GAS2: variants seen among roughly 807,000 people sequenced by gnomAD.
GAS2 encodes the protein growth arrest-specific protein 2.
GAS2 carries 20 observed loss-of-function variants against 37.5 expected under a neutral mutation model. The ratio of observed to expected loss-of-function variants is 0.53; its 90% CI spans 0.37 to 0.77. GAS2 has a LOEUF of 0.77. Ranked by LOEUF, GAS2 falls within the 30% of genes least tolerant of loss-of-function variation. The pLI is 0.00. For missense variants in GAS2, 336 were observed against 373.4 expected (o/e 0.90, Z 0.82); for synonymous variants, 144 against 132.2 (o/e 1.09, Z -0.61).
intron 7 of GAS2, among the ~76,000 whole-genome samples, chr11:22,802,330 G>C (rs1856700643): frequency 6.6e-6 from 1 of 151,850 alleles, no homozygotes; most frequent in East Asian, 1.9e-4. Flanking sequence ...AGGAGGGAGG[G>C]ATAGCATTAG....
intron 2 of GAS2, among the ~76,000 whole-genome samples, chr11:22,685,276 GC>G (rs1849886620): frequency 6.6e-6 from 1 of 152,176 alleles, no homozygotes; most frequent in Non-Finnish European, 1.5e-5. Flanking sequence ...AATTGAATGG[GC>G]CACTGGGGAT....
In GAS2 at chr11:22,682,670, C is replaced by A. The variant is rs11026732; in HGVS notation, c.146-2998C>A. ...TGAGGCGGGCAGATCACTAGGTCAA[C>A]AGATCGAGACCATCCAGGCCAACAT... On this transcript the variant is annotated intron_variant, in intron 2 of 7. Coordinates refer to ENST00000454584, the MANE Select transcript of GAS2 (RefSeq NM_001143830.3). 2.8e-4 allele frequency among the ~76,000 whole-genome samples: 42 copies of A among 151,898 alleles called. 1 individual carries two copies. Among genetic ancestry groups the A allele is most frequent in the Non-Finnish European group, 4.3e-4 (29 of 67,982 alleles).
chr11:22,735,534 T>C (rs898857295), intron 4 of GAS2, among the ~76,000 whole-genome samples: 1 of 151,804 alleles, frequency 6.6e-6, no homozygotes, highest in Admixed American at 6.6e-5. Flanking sequence ...AATGAGTCTG[T>C]GATAGAGTTG....
Position 22,669,727 on chromosome 11 carries a change from T to C in GAS2, c.-21+2828T>C, listed in dbSNP as rs114005472. 6.1e-3 allele frequency among the ~76,000 whole-genome samples: 935 copies of C among 152,296 alleles called. 6 individuals carry two copies. Among genetic ancestry groups the C allele is most frequent in the African/African-American group, 0.022 (895 of 41,558 alleles). ...TGTAAGGTTCCTTTCAATTTAAAGA[T>C]TTTTATTATGGAATTAGATAAACTA... On this transcript the variant is annotated intron_variant, in intron 1 of 7. Transcript: ENST00000454584.
intron 6 of GAS2, 71 bp from the exon 7 acceptor site, chr11:22,755,775 A>G (rs1853996011): frequency 4.8e-6 from 5 of 1,043,086 alleles, no homozygotes; most frequent in Non-Finnish European, 7.4e-6. Flanking sequence ...GGGGCCGTGG[A>G]GTCCTTGGAG....
intron 7 of GAS2, among the ~76,000 whole-genome samples, chr11:22,762,376 G>C (rs1854438603): frequency 6.6e-6 from 1 of 152,120 alleles, no homozygotes; most frequent in African/African-American, 2.4e-5. Context: ...CTTGGAAATT[G>C]TTTTTATCTT....
At chr11:22,803,266 C>T (rs946821957) in intron 7 of GAS2, among the ~76,000 whole-genome samples, 4 of 152,090 alleles carry the variant, frequency 2.6e-5, no homozygotes, top group African/African-American at 9.7e-5. Context: ...TGTATTCCGT[C>T]GTGTTACCTC....
At chr11:22,732,778 TCA>T (rs1852544416) in intron 4 of GAS2, among the ~76,000 whole-genome samples, 6 of 105,696 alleles carry the variant, frequency 5.7e-5, no homozygotes, top group African/African-American at 1.9e-4. Context: ...TTTATCATCA[TCA>T]TCATCATCAT....
intron 3 of GAS2, among the ~76,000 whole-genome samples, chr11:22,721,867 A>C (rs1052295845): frequency 6.6e-6 from 1 of 152,026 alleles, no homozygotes; most frequent in Non-Finnish European, 1.5e-5. Flanking sequence ...CAATGTTGGC[A>C]AGAAAATATG....
intron 1 of GAS2, among the ~76,000 whole-genome samples, chr11:22,636,144 TC>T (rs1390457594): frequency 2.0e-5 from 3 of 152,210 alleles, no homozygotes; most frequent in African/African-American, 4.8e-5. Flanking sequence ...CCTGTTAAAT[TC>T]CTGTGTTGCT....
intron 1 of GAS2, among the ~76,000 whole-genome samples, chr11:22,639,581 T>C (rs978573448): frequency 6.6e-6 from 1 of 151,452 alleles, no homozygotes; most frequent in African/African-American, 2.5e-5. Flanking sequence ...TCAAATGAAT[T>C]GTAATGGATA....
At chr11:22,672,028 T>C (rs1490179329) in intron 1 of GAS2, among the ~76,000 whole-genome samples, 1 of 152,162 alleles carries the variant, frequency 6.6e-6, no homozygotes, top group Non-Finnish European at 1.5e-5. Flanking sequence ...GAATCTGAAT[T>C]CTTTTAAGAA....
chr11:22,706,787 A>G (rs12287292), intron 3 of GAS2, among the ~76,000 whole-genome samples: 2,705 of 152,146 alleles, frequency 0.018, 93 homozygotes, highest in African/African-American at 0.062. Flanking sequence ...TAGTGCTGCA[A>G]TAAACATATG....
intron 1 of GAS2, among the ~76,000 whole-genome samples, chr11:22,651,015 G>A (rs1848768720): frequency 1.3e-5 from 2 of 152,206 alleles, no homozygotes; most frequent in African/African-American, 2.4e-5. Context: ...TCCTAGTCTT[G>A]TTGGTCTTTA....
chr11:22,713,487 T>C (rs1851512732), intron 3 of GAS2, among the ~76,000 whole-genome samples: 1 of 152,056 alleles, frequency 6.6e-6, no homozygotes, highest in South Asian at 2.1e-4. Flanking sequence ...GATATCCAAA[T>C]ACAAGAAGCT....
intron 1 of GAS2, among the ~76,000 whole-genome samples, chr11:22,648,619 C>G (rs1360242659): frequency 6.6e-6 from 1 of 152,136 alleles, no homozygotes; most frequent in African/African-American, 2.4e-5. Flanking sequence ...GTTTGTAGTT[C>G]TCCTTGAAGA....
intron 4 of GAS2, among the ~76,000 whole-genome samples, chr11:22,735,126 A>G (rs545868336): frequency 1.3e-5 from 2 of 151,068 alleles, no homozygotes; most frequent in South Asian, 4.2e-4. Flanking sequence ...CTTACAAGGC[A>G]TTGTAGTCAC....
chr11:22,783,454 C>T (rs1005521808), intron 7 of GAS2, among the ~76,000 whole-genome samples: 1 of 152,116 alleles, frequency 6.6e-6, no homozygotes, highest in Admixed American at 6.5e-5. Context: ...TAATTTGGTT[C>T]CACTTATCAA....
intron 1 of GAS2, among the ~76,000 whole-genome samples, chr11:22,635,781 C>T (rs1445015831): frequency 6.6e-6 from 1 of 152,226 alleles, no homozygotes; most frequent in East Asian, 1.9e-4. Flanking sequence ...TTTCCTCTGT[C>T]CCCGGTGGAG....
Sources: allele counts gnomAD v4.1 joint callset (sites outside exome capture counted in the v4.1 genomes callset), GRCh38; gene constraint gnomAD v4.1.1; transcripts MANE v1.5; gene names NCBI Gene and HGNC (gene_info 2026-07-23, HGNC 2026-07-21).